Variants in RCOR1 observed in about 807,000 individuals in gnomAD.
RCOR1 encodes REST corepressor 1.
A neutral mutation model predicts 64.0 loss-of-function variants in RCOR1; 12 were observed. That is an observed-to-expected ratio of 0.19 (90% CI 0.12 to 0.30). The LOEUF (loss-of-function observed/expected upper bound fraction) is 0.30. Among genes scored for constraint, RCOR1 ranks in the 10% least tolerant of loss-of-function variants. RCOR1 has a pLI of 1.00. For synonymous variants in RCOR1, 279 were observed against 227.2 expected, an observed-to-expected ratio of 1.23 and a Z score of -2.05; for missense variants, 502 against 621.2, an observed-to-expected ratio of 0.81 and a Z score of 2.04.
At chr14:102,677,161 AC>A (rs761975506) in intron 2 of RCOR1, among the ~76,000 whole-genome samples, 3,520 of 63,620 alleles carry the variant, frequency 0.055, 83 homozygotes, top group Non-Finnish European at 0.082. Flanking sequence ...CGGGGGGCTG[AC>A]CCCCCCCCAC....
chr14:102,715,250 T>A (rs1566712702), intron 8 of RCOR1, among the ~76,000 whole-genome samples: 2 of 152,070 alleles, frequency 1.3e-5, no homozygotes, highest in South Asian at 4.2e-4. Context: ...TTTTTGTATG[T>A]TTAGTAGAGA....
chr14:102,635,474 A>G (rs960245822), intron 2 of RCOR1, among the ~76,000 whole-genome samples: 1 of 152,196 alleles, frequency 6.6e-6, no homozygotes, highest in African/African-American at 2.4e-5. Context: ...ACTGCACTCC[A>G]GTCTGGGTGA....
chr14:102,682,045 A>G (rs2139961108), intron 3 of RCOR1, 67 bp downstream of exon 3: 2 of 1,012,112 alleles, frequency 2.0e-6, no homozygotes, highest in East Asian at 2.4e-5. Flanking sequence ...GTACCTTTGA[A>G]GGTAAAAGCT....
At chr14:102,697,731 T>TC (rs1323830866) in intron 3 of RCOR1, among the ~76,000 whole-genome samples, 1 of 151,948 alleles carries the variant, frequency 6.6e-6, no homozygotes, top group Non-Finnish European at 1.5e-5. Context: ...GAATTTTTTT[T>TC]TTTTTTTTGG....
intron 2 of RCOR1, among the ~76,000 whole-genome samples, chr14:102,671,965 A>G (rs1490819714): frequency 2.0e-5 from 3 of 152,108 alleles, no homozygotes; most frequent in African/African-American, 7.2e-5. Flanking sequence ...GGCTGCTTTC[A>G]CTTAGCATAG....
At chr14:102,678,296 CT>C (rs751278216) in intron 2 of RCOR1, among the ~76,000 whole-genome samples, 81 of 151,686 alleles carry the variant, frequency 5.3e-4, no homozygotes, top group South Asian at 1.5e-3. Flanking sequence ...TGTGCAGGTG[CT>C]TTTTTTTGTT....
At chr14:102,716,663 G>A (rs1370085892) in intron 8 of RCOR1, among the ~76,000 whole-genome samples, 2 of 152,124 alleles carry the variant, frequency 1.3e-5, no homozygotes, top group Non-Finnish European at 2.9e-5. Context: ...GTGTCTGTAT[G>A]CATATGGGTC....
At chr14:102,654,919 C>T (rs985828658) in intron 2 of RCOR1, among the ~76,000 whole-genome samples, 2 of 150,988 alleles carry the variant, frequency 1.3e-5, no homozygotes, top group African/African-American at 4.9e-5. Context: ...AAGGATCCTC[C>T]TGTCTCAGTC....
At chr14:102,668,719 TTC>T (rs943131806) in intron 2 of RCOR1, among the ~76,000 whole-genome samples, 14 of 152,178 alleles carry the variant, frequency 9.2e-5, no homozygotes, top group African/African-American at 1.4e-4. Context: ...TTTTAAATGT[TTC>T]TGTTTTTTAA....
At position 102,592,951 on chromosome 14, in the gene RCOR1, C is replaced by T; in HGVS notation, c.65C>T (p.Ala22Val). The T allele has an allele frequency of 2.5e-6, 3 of 1,178,116 alleles. No individual in the cohort carries two copies. The highest frequency in any genetic ancestry group is 2.1e-6 in the Non-Finnish European group (2 of 948,530). 73.0% of individuals were successfully genotyped at this position (1,178,116 alleles called of 1,614,324 possible). The change falls in exon 1 of 12, where the codon GCC becomes GTC. Residue 22 changes from alanine (A) to valine (V), a missense_variant. By Grantham distance (64) the Ala-to-Val change is moderately conservative. This residue lies in a region of RCOR1 where 242 missense variants were observed against 204.9 expected (regional missense o/e 1.18). Transcript: ENST00000262241. ...SGKRRGRNNA[A>V]ASASAAAASA... Reference sequence around the variant, plus strand: ...AAGCGGAGAGGGAGGAACAACGCGGCCGCCTCCGCCTCCGCCGCCGCCGCC... The same window carrying T: ...AAGCGGAGAGGGAGGAACAACGCGGTCGCCTCCGCCTCCGCCGCCGCCGCC...
chr14:102,663,689 A>G (rs1430926975), intron 2 of RCOR1, among the ~76,000 whole-genome samples: 6 of 152,112 alleles, frequency 3.9e-5, no homozygotes, highest in African/African-American at 1.4e-4. Flanking sequence ...TTAGTGTGTT[A>G]CATTACTGAT....
chr14:102,644,082 G>C (rs1894429131), intron 2 of RCOR1, among the ~76,000 whole-genome samples: 1 of 152,222 alleles, frequency 6.6e-6, no homozygotes, highest in Non-Finnish European at 1.5e-5. Flanking sequence ...TCTGACTTAA[G>C]TTGTGTTCAC....
chr14:102,653,581 G>C (rs1030747274), intron 2 of RCOR1, among the ~76,000 whole-genome samples: 5 of 152,118 alleles, frequency 3.3e-5, no homozygotes, highest in African/African-American at 7.2e-5. Flanking sequence ...GCCAAATCTT[G>C]TGTCGAATTG....
At position 102,728,304 on chromosome 14, in the gene RCOR1, G is replaced by T. The variant is rs1896309971; in HGVS notation, c.*1798G>T. ...TAAAAGCCTGGGAAGCATCAGAGGA[G>T]TCCCGGATTGCTGCTGCTACCTGGA... On this transcript the variant is annotated 3_prime_UTR_variant, in exon 12 of 12. Coordinates refer to ENST00000262241, the MANE Select transcript of RCOR1 (RefSeq NM_015156.4). 6.6e-6 allele frequency: 1 copy of T among 152,164 alleles called. No homozygotes were observed. The highest frequency in any genetic ancestry group is 2.4e-5 in the African/African-American group (1 of 41,430). The allele number at this position is 152,164 out of a possible 1,614,324, so 9.4% of individuals were successfully genotyped here. A position where few individuals can be genotyped will look rare whatever the true frequency, so the allele number is the denominator to read the frequency against.
chr14:102,689,320 A>AT (rs533182611), intron 3 of RCOR1, among the ~76,000 whole-genome samples: 2 of 151,788 alleles, frequency 1.3e-5, no homozygotes, highest in Non-Finnish European at 2.9e-5. Flanking sequence ...GATTATTATT[A>AT]TTTTTTTTAA....
intron 2 of RCOR1, among the ~76,000 whole-genome samples, chr14:102,663,058 T>C (rs140379498): frequency 1.3e-5 from 2 of 152,274 alleles, no homozygotes; most frequent in South Asian, 2.1e-4. Context: ...GATAATTGAA[T>C]CATGAGGCCA....
At chr14:102,649,083 T>TA (rs1297994181) in intron 2 of RCOR1, among the ~76,000 whole-genome samples, 2 of 151,714 alleles carry the variant, frequency 1.3e-5, no homozygotes, top group African/African-American at 2.4e-5. Flanking sequence ...AAAATAGAAT[T>TA]ATTAATTCCA....
At chr14:102,598,109 A>G (rs1016022541) in intron 2 of RCOR1, among the ~76,000 whole-genome samples, 5 of 151,584 alleles carry the variant, frequency 3.3e-5, no homozygotes, top group African/African-American at 1.2e-4. Context: ...GGCGTGAGCC[A>G]CTGCGCAGCC....
chr14:102,674,414 A>G (rs1340299738), intron 2 of RCOR1, among the ~76,000 whole-genome samples: 1 of 152,220 alleles, frequency 6.6e-6, no homozygotes, highest in African/African-American at 2.4e-5. Flanking sequence ...ACCTCCACCA[A>G]TAGTTTATAC....
Sources: gnomAD v4.1 joint callset for allele counts (sites outside exome capture counted in the v4.1 genomes callset) on GRCh38, gnomAD v4.1.1 for gene constraint, gnomAD v4.1.1 regional missense constraint, MANE v1.5 for transcripts, NCBI Gene and HGNC (gene_info 2026-07-23, HGNC 2026-07-21) for gene names.